The following EIF3H variants were observed in gnomAD, a reference collection of about 807,000 sequenced individuals.
EIF3H encodes eukaryotic translation initiation factor 3 subunit H.
In EIF3H, 26 loss-of-function variants were observed where a neutral mutation model predicts 44.2. The observed-to-expected ratio is 0.59, with a 90% CI of 0.43 to 0.82. The LOEUF is 0.82. Among genes scored for constraint, EIF3H ranks in the 40% least tolerant of loss-of-function variants. The pLI is 0.00. For synonymous variants in EIF3H, 166 were observed against 151.9 expected, an observed-to-expected ratio of 1.09 and a Z score of -0.68; for missense variants, 359 against 432.8, an observed-to-expected ratio of 0.83 and a Z score of 1.51.
intron 1 of EIF3H, among the ~76,000 whole-genome samples, chr8:116,748,616 G>A (rs1815278847): frequency 6.6e-6 from 1 of 152,230 alleles, no homozygotes. Context: ...ACGAGGTACT[G>A]TTCTAGACCC....
At chr8:116,646,960 T>C (rs983694008) in intron 6 of EIF3H, among the ~76,000 whole-genome samples, 2 of 152,240 alleles carry the variant, frequency 1.3e-5, no homozygotes, top group Admixed American at 6.5e-5. Context: ...TGATTCATCC[T>C]AATTTTAATG....
chr8:116,659,735 A>G (rs1478335993), intron 2 of EIF3H, among the ~76,000 whole-genome samples: 1 of 152,226 alleles, frequency 6.6e-6, no homozygotes, highest in Non-Finnish European at 1.5e-5. Context: ...TGTATACTAT[A>G]TTAAAGCAGT....
rs1200581326 is a variant in EIF3H, at chr8:116,657,587, C to A, written c.458-273G>T. The stretch of plus-strand genomic sequence containing the variant: ...AGTTATTTTCAAATTCATTCCTCAG[C>A]AAGAACTAGTAACCTTGCTGAAAAT... On this transcript the variant is annotated intron_variant, in intron 3 of 7. Transcript: ENST00000521861. 5 of 415,118 alleles carry A rather than the reference C, an allele frequency of 1.2e-5. No individual in the cohort carries two copies. In the East Asian group the frequency reaches 2.5e-4, roughly 20 times the overall value. The allele number at this position is 415,118 out of a possible 1,614,324, so 25.7% of individuals were successfully genotyped here.
chr8:116,659,984 T>C (rs1418877025), intron 2 of EIF3H, among the ~76,000 whole-genome samples: 5 of 152,138 alleles, frequency 3.3e-5, no homozygotes, highest in African/African-American at 1.2e-4. Context: ...CCTCCCGGGC[T>C]CAAGTGATTC....
intron 2 of EIF3H, among the ~76,000 whole-genome samples, chr8:116,692,464 A>G (rs918447879): frequency 4.6e-5 from 7 of 152,242 alleles, no homozygotes; most frequent in African/African-American, 1.7e-4. Flanking sequence ...AATTTAGAGA[A>G]AAGACCACCT....
intron 2 of EIF3H, among the ~76,000 whole-genome samples, chr8:116,714,814 T>A (rs1046534392): frequency 6.6e-6 from 1 of 152,048 alleles, no homozygotes; most frequent in African/African-American, 2.4e-5. Context: ...AGTAAACACA[T>A]GTCTATTCAC....
At chr8:116,756,093 C>G, upstream of EIF3H, 8 of 1,258,422 alleles carry the variant, frequency 6.4e-6, no homozygotes, top group Non-Finnish European at 8.9e-6. Flanking sequence ...CATTACAGTT[C>G]GCATTATTTC....
At position 116,643,755 on chromosome 8, in the gene EIF3H, G is replaced by A. The variant is rs1813257549; in HGVS notation, c.*1251C>T. On this transcript the variant is annotated 3_prime_UTR_variant, in exon 8 of 8. Transcript: ENST00000521861. Reference sequence around the variant, plus strand: ...TTCAAAACAATGTTGTCCAAAAAATGAATTTCTCGACTCTCCTGATCTTTC... The same window carrying A: ...TTCAAAACAATGTTGTCCAAAAAATAAATTTCTCGACTCTCCTGATCTTTC... 6.6e-6 allele frequency: 1 copy of A among 152,140 alleles called. No individual in the cohort carries two copies. The allele number at this position is 152,140 out of a possible 1,614,324, so 9.4% of individuals were successfully genotyped here.
upstream of EIF3H, among the ~76,000 whole-genome samples, chr8:116,760,142 T>G (rs917365841): frequency 2.0e-5 from 3 of 152,240 alleles, no homozygotes; most frequent in African/African-American, 7.2e-5. Context: ...GTTTCATTAC[T>G]TCATGACTCT....
chr8:116,727,062 A>C (rs1814855749), intron 1 of EIF3H, among the ~76,000 whole-genome samples: 1 of 152,216 alleles, frequency 6.6e-6, no homozygotes, highest in African/African-American at 2.4e-5. Flanking sequence ...AGAAAATGAC[A>C]ATTTATTTGT....
chr8:116,648,894 A>G lies in EIF3H; in HGVS notation c.740T>C (p.Met247Thr). The G allele has an allele frequency of 6.2e-7, 1 of 1,611,940 alleles. No individual in the cohort carries two copies. Among genetic ancestry groups the G allele is most frequent in the Non-Finnish European group, 8.5e-7 (1 of 1,179,078 alleles). The change falls in exon 6 of 8, where the codon ATG becomes ACG. Residue 247 changes from methionine to threonine, a missense_variant. Met to Thr is a moderately conservative substitution (Grantham distance 81). Coordinates refer to ENST00000521861, the MANE Select transcript of EIF3H (RefSeq NM_003756.3). ...TTGGCTCATTTCATCCACTCTGTCC[A>G]TCAGCAACTGTAGATTCTTCCCCAA... ...NHLGKNLQLL[M>T]DRVDEMSQDI...
In EIF3H at chr8:116,708,427, A is replaced by C. The variant is rs568548224; in HGVS notation, c.289+17589T>G. On this transcript the variant is annotated intron_variant, in intron 2 of 7. Coordinates refer to ENST00000521861, the MANE Select transcript of EIF3H (RefSeq NM_003756.3). ...CAAGACAAAGCAGTCACTTAAATAC[A>C]TAACAAAGATACCAATAAATACCTG... Among the ~76,000 whole-genome samples, 51 of 152,192 alleles carry C rather than the reference A, an allele frequency of 3.4e-4. No individual in the cohort carries two copies. The South Asian group carries it at 3.5e-3, about 11-fold the overall frequency.
intron 1 of EIF3H, among the ~76,000 whole-genome samples, chr8:116,741,267 T>C (rs913587900): frequency 6.6e-6 from 1 of 152,198 alleles, no homozygotes; most frequent in Non-Finnish European, 1.5e-5. Flanking sequence ...GATTTTTTTT[T>C]CAGCCTAATA....
chr8:116,743,773 T>TATATATAC (rs1815172101), intron 1 of EIF3H, among the ~76,000 whole-genome samples: 2 of 86,230 alleles, frequency 2.3e-5, no homozygotes. Context: ...TACATACATA[T>TATATATAC]ATATATATAT....
intron 2 of EIF3H, among the ~76,000 whole-genome samples, chr8:116,668,359 G>A (rs1345685548): frequency 6.6e-6 from 1 of 152,208 alleles, no homozygotes; most frequent in Non-Finnish European, 1.5e-5. Context: ...GTTCTCCAGA[G>A]AGTGAGATCA....
chr8:116,669,498 C>A (rs1813719372), intron 2 of EIF3H, among the ~76,000 whole-genome samples: 1 of 152,064 alleles, frequency 6.6e-6, no homozygotes, highest in South Asian at 2.1e-4. Context: ...TGGGACAAGG[C>A]TATCTGAAAA....
intron 1 of EIF3H, among the ~76,000 whole-genome samples, chr8:116,728,036 T>C (rs1814881790): frequency 6.6e-6 from 1 of 152,316 alleles, no homozygotes; most frequent in South Asian, 2.1e-4. Flanking sequence ...GAAATAACTT[T>C]TTAAAAATTA....
intron 1 of EIF3H, among the ~76,000 whole-genome samples, chr8:116,727,883 T>C (rs372325595): frequency 1.3e-5 from 2 of 152,302 alleles, no homozygotes; most frequent in East Asian, 1.9e-4. Context: ...TGTGGAAGAT[T>C]GAAAATTTGA....
At chr8:116,749,019 A>G (rs1390009201) in intron 1 of EIF3H, among the ~76,000 whole-genome samples, 3 of 152,170 alleles carry the variant, frequency 2.0e-5, no homozygotes, top group Non-Finnish European at 4.4e-5. Flanking sequence ...AGCTGACTGT[A>G]TATGTAACTC....
Sources: gnomAD v4.1 joint callset for allele counts (sites outside exome capture counted in the v4.1 genomes callset) on GRCh38, gnomAD v4.1.1 for gene constraint, MANE v1.5 for transcripts, NCBI Gene and HGNC (gene_info 2026-07-23, HGNC 2026-07-21) for gene names.